PAK1: variants seen among roughly 807,000 people sequenced by gnomAD.
PAK1 encodes the protein p21 (RAC1) activated kinase 1.
In PAK1, 29 loss-of-function variants were observed where a neutral mutation model predicts 67.4. That is an observed-to-expected ratio of 0.43 (90% CI 0.32 to 0.59). The LOEUF (loss-of-function observed/expected upper bound fraction) is 0.59, where lower values mean the gene tolerates loss of function less well. Among genes scored for constraint, PAK1 ranks in the 20% least tolerant of loss-of-function variants. The probability of loss-of-function intolerance (pLI) is 0.07; values close to 1 mark genes in which losing one functional copy is unlikely to be tolerated. For missense variants in PAK1, 337 were observed against 670.7 expected, an observed-to-expected ratio of 0.50 and a Z score of 5.50; for synonymous variants, 223 against 237.4, an observed-to-expected ratio of 0.94 and a Z score of 0.56.
At chr11:77,480,765 C>T in the PAK1 span, among the ~76,000 whole-genome samples, 4 of 152,064 alleles carry the variant, frequency 2.6e-5, no homozygotes, top group Non-Finnish European at 5.9e-5. Context: ...CTCAAGTGAT[C>T]CACCTGCCTC....
intron 8 of PAK1, among the ~76,000 whole-genome samples, chr11:77,352,055 A>T (rs937986472): frequency 6.6e-6 from 1 of 152,048 alleles, no homozygotes; most frequent in African/African-American, 2.4e-5. Context: ...TCTGACTTCT[A>T]TTATCATACA....
chr11:77,490,721 A>G, the PAK1 span, among the ~76,000 whole-genome samples: 1 of 152,212 alleles, frequency 6.6e-6, no homozygotes, highest in Admixed American at 6.5e-5. Context: ...GAGAAATCGG[A>G]TGGTTGCCGT....
chr11:77,396,230 T>C (rs1760154175), intron 1 of PAK1, among the ~76,000 whole-genome samples: 1 of 152,230 alleles, frequency 6.6e-6, no homozygotes, highest in South Asian at 2.1e-4. Context: ...AGCATTGGAA[T>C]CTAATATTTC....
At chr11:77,334,399 C>G (rs1942301868) in intron 13 of PAK1, among the ~76,000 whole-genome samples, 1 of 152,096 alleles carries the variant, frequency 6.6e-6, no homozygotes, top group African/African-American at 2.4e-5. Context: ...TTCCAATAAT[C>G]AGAGATATTC....
chr11:77,387,073 CTTTTT>C (rs34065292), intron 2 of PAK1, among the ~76,000 whole-genome samples: 2 of 126,838 alleles, frequency 1.6e-5, no homozygotes, highest in African/African-American at 6.2e-5. Context: ...CACGCCCAGC[CTTTTT>C]TTTTTTTTTT....
At chr11:77,398,493 G>A (rs1460503017) in intron 1 of PAK1, among the ~76,000 whole-genome samples, 1 of 152,034 alleles carries the variant, frequency 6.6e-6, no homozygotes, top group African/African-American at 2.4e-5. Flanking sequence ...TTCCATCCAT[G>A]TTGTTGCAAA....
the PAK1 span, among the ~76,000 whole-genome samples, chr11:77,517,684 T>C: frequency 6.6e-6 from 1 of 152,244 alleles, no homozygotes; most frequent in Non-Finnish European, 1.5e-5. Context: ...GCTTTATTTC[T>C]ATTATTATTA....
intron 7 of PAK1, among the ~76,000 whole-genome samples, chr11:77,354,296 T>C (rs1253441068): frequency 6.6e-6 from 1 of 152,070 alleles, no homozygotes; most frequent in Admixed American, 6.5e-5. Flanking sequence ...AGAGCTAAGA[T>C]TAGGAGTTTC....
chr11:77,339,912 C>T (rs899749187), intron 11 of PAK1, among the ~76,000 whole-genome samples: 1 of 151,940 alleles, frequency 6.6e-6, no homozygotes, highest in African/African-American at 2.4e-5. Context: ...ATCAGCAAAA[C>T]ACCCAATATC....
the PAK1 span, among the ~76,000 whole-genome samples, chr11:77,518,416 C>G: frequency 6.6e-6 from 1 of 152,142 alleles, no homozygotes; most frequent in East Asian, 1.9e-4. Context: ...CTGTGTTTGC[C>G]ATCTCTGGTT....
intron 1 of PAK1, among the ~76,000 whole-genome samples, chr11:77,419,031 C>T (rs942404931): frequency 4.6e-5 from 7 of 152,192 alleles, no homozygotes; most frequent in South Asian, 2.1e-4. Context: ...AAAAACCAAA[C>T]GCTGGTTTGG....
intron 1 of PAK1, among the ~76,000 whole-genome samples, chr11:77,426,769 T>C (rs911112614): frequency 3.3e-5 from 5 of 151,536 alleles, no homozygotes; most frequent in Admixed American, 2.6e-4. Flanking sequence ...TTAGAAAATA[T>C]TCTGATCTCA....
chr11:77,371,824 A>G (rs1948468987), intron 5 of PAK1, among the ~76,000 whole-genome samples: 2 of 152,196 alleles, frequency 1.3e-5, no homozygotes, highest in Non-Finnish European at 1.5e-5. Context: ...ACAAGTTTTT[A>G]CCAAGCAGGT....
chr11:77,398,745 G>T (rs1188051854), intron 1 of PAK1, among the ~76,000 whole-genome samples: 2 of 152,036 alleles, frequency 1.3e-5, no homozygotes, highest in African/African-American at 4.8e-5. Context: ...TTAGTTTTTT[G>T]TTTGTTTGTT....
At chr11:77,462,805 C>G (rs1430331632) in intron 1 of PAK1, among the ~76,000 whole-genome samples, 1 of 148,492 alleles carries the variant, frequency 6.7e-6, no homozygotes, top group Admixed American at 6.7e-5. Context: ...GCACTCCAGC[C>G]TGGGCAACAG....
intron 1 of PAK1, among the ~76,000 whole-genome samples, chr11:77,450,769 C>G (rs949746542): frequency 2.0e-5 from 3 of 152,202 alleles, no homozygotes; most frequent in Non-Finnish European, 4.4e-5. Flanking sequence ...CCACTAAGGT[C>G]CTGACATACT....
chr11:77,514,311 T>C, the PAK1 span, among the ~76,000 whole-genome samples: 4 of 152,036 alleles, frequency 2.6e-5, no homozygotes, highest in Admixed American at 2.0e-4. Flanking sequence ...CTGGCCAACA[T>C]GGTGAAACCT....
intron 1 of PAK1, among the ~76,000 whole-genome samples, chr11:77,414,139 G>C (rs1217389519): frequency 6.6e-6 from 1 of 152,172 alleles, no homozygotes; most frequent in East Asian, 1.9e-4. Flanking sequence ...CACATTAAAG[G>C]CTTGCAACTA....
chr11:77,495,864 G>A, the PAK1 span, among the ~76,000 whole-genome samples: 7 of 152,276 alleles, frequency 4.6e-5, no homozygotes, highest in South Asian at 6.2e-4. Flanking sequence ...AAAGTACAAC[G>A]GTGGTTGCCA....
Sources: allele counts gnomAD v4.1 joint callset (sites outside exome capture counted in the v4.1 genomes callset), GRCh38; gene constraint gnomAD v4.1.1; transcripts MANE v1.5; gene names NCBI Gene and HGNC (gene_info 2026-07-23, HGNC 2026-07-21).